The following EPC2 variants were observed in gnomAD, a reference collection of about 807,000 sequenced individuals.
EPC2 encodes enhancer of polycomb 2, also known as enhancer of polycomb homolog 2.
Under a neutral mutation model 92.1 loss-of-function variants are expected in EPC2, and 14 were observed. The ratio of observed to expected loss-of-function variants is 0.15; its 90% CI spans 0.10 to 0.24. The LOEUF (loss-of-function observed/expected upper bound fraction) is 0.24. Among genes scored for constraint, EPC2 ranks in the 10% least tolerant of loss-of-function variants. The pLI is 1.00. For synonymous variants in EPC2, 340 were observed against 334.7 expected (o/e 1.02, Z -0.17); for missense variants, 755 against 971.5 (o/e 0.78, Z 2.96).
chr2:148,644,988 C>T lies in EPC2; in HGVS notation c.-30C>T, dbSNP rs1559136079. 1.3e-6 allele frequency: 2 copies of T among 1,539,916 alleles called. No homozygotes were observed. The highest frequency in any genetic ancestry group is 2.5e-5 in the East Asian group (1 of 40,044). ...CTCCCCGCCCGCCCCGCCGCCGCCG[C>T]CCGGGCTGTTCCTGTAAGGCGGGGA... On this transcript the variant is annotated 5_prime_UTR_variant, in exon 1 of 14. Coordinates refer to ENST00000258484, the MANE Select transcript of EPC2 (RefSeq NM_015630.4).
intron 1 of EPC2, among the ~76,000 whole-genome samples, chr2:148,647,604 G>C (rs1307102099): frequency 2.0e-5 from 3 of 148,186 alleles, no homozygotes; most frequent in Non-Finnish European, 4.4e-5. Flanking sequence ...ACTGCGCCTG[G>C]CCGCGCCTTG....
intron 1 of EPC2, among the ~76,000 whole-genome samples, chr2:148,672,152 A>C (rs1681167097): frequency 6.6e-6 from 1 of 152,154 alleles, no homozygotes; most frequent in Non-Finnish European, 1.5e-5. Flanking sequence ...CTTAAAAGTA[A>C]GTCTTATAAT....
At position 148,717,667 on chromosome 2, in the gene EPC2, G is replaced by C. The variant is rs75459637; in HGVS notation, c.314-25955G>C. On this transcript the variant is annotated intron_variant, in intron 2 of 13. Coordinates refer to ENST00000258484, the MANE Select transcript of EPC2 (RefSeq NM_015630.4). ...TGAGGAGTGTTTTACTTCCAATTATGTGATCAATTTTACTCAAGTAAGTGC... is the reference window on the plus strand; with the variant it reads ...TGAGGAGTGTTTTACTTCCAATTATCTGATCAATTTTACTCAAGTAAGTGC... Among the ~76,000 whole-genome samples the C allele has an allele frequency of 7.9e-3, 1,210 of 152,222 alleles. 23 individuals are homozygous for C. The East Asian group carries it at 0.08, about 10-fold the overall frequency.
chr2:148,716,487 A>AT (rs1183883707), intron 2 of EPC2, among the ~76,000 whole-genome samples: 1 of 151,914 alleles, frequency 6.6e-6, no homozygotes, highest in Non-Finnish European at 1.5e-5. Flanking sequence ...ATAATCATGT[A>AT]TTTTTTTGTC....
At chr2:148,695,041 G>A (rs1231446918) in intron 2 of EPC2, among the ~76,000 whole-genome samples, 1 of 152,242 alleles carries the variant, frequency 6.6e-6, no homozygotes, top group African/African-American at 2.4e-5. Flanking sequence ...GCCTCCTAAA[G>A]TGTTGGGATT....
At position 148,778,869 on chromosome 2, in the gene EPC2, G is replaced by A. The variant is rs185342748; in HGVS notation, c.1721-2775G>A. On this transcript the variant is annotated intron_variant, in intron 10 of 13. Coordinates refer to ENST00000258484, the MANE Select transcript of EPC2 (RefSeq NM_015630.4). ...AACATATTGAGATTGAGGTGAGGGGGAAAAGAAAAAAATGAATGTAATTTT... is the reference window on the plus strand; with the variant it reads ...AACATATTGAGATTGAGGTGAGGGGAAAAAGAAAAAAATGAATGTAATTTT... Among the ~76,000 whole-genome samples the A allele has an allele frequency of 5.1e-4, 77 of 151,964 alleles. No individual in the cohort carries two copies. In the East Asian group the frequency reaches 0.014, roughly 28 times the overall value.
chr2:148,745,578 G>C (rs1418578634), intron 3 of EPC2, among the ~76,000 whole-genome samples: 2 of 152,086 alleles, frequency 1.3e-5, no homozygotes, highest in Non-Finnish European at 2.9e-5. Context: ...AAGCTTCTAG[G>C]CTGTGAAACA....
intron 2 of EPC2, among the ~76,000 whole-genome samples, chr2:148,697,735 C>G (rs1444662097): frequency 1.3e-5 from 2 of 152,168 alleles, no homozygotes; most frequent in Admixed American, 6.5e-5. Flanking sequence ...CACGCATACA[C>G]TAGAAGAACA....
chr2:148,709,587 T>G (rs757768812), intron 2 of EPC2, among the ~76,000 whole-genome samples: 4 of 152,204 alleles, frequency 2.6e-5, no homozygotes, highest in Non-Finnish European at 1.5e-5. Flanking sequence ...ACTACCTGAC[T>G]TCAAACTATA....
chr2:148,775,340 G>A (rs115766699), intron 10 of EPC2, among the ~76,000 whole-genome samples: 3,864 of 151,834 alleles, frequency 0.025, 57 homozygotes, highest in East Asian at 0.032. Context: ...TCATATAAAC[G>A]GGATAATCCT....
chr2:148,692,649 A>G (rs1442407915), intron 2 of EPC2: 2 of 152,170 alleles, frequency 1.3e-5, no homozygotes, highest in East Asian at 3.9e-4. Flanking sequence ...GGAAGGAGAT[A>G]ACTATTCATA....
intron 2 of EPC2, among the ~76,000 whole-genome samples, chr2:148,716,858 C>T (rs769480662): frequency 6.6e-6 from 1 of 152,132 alleles, no homozygotes; most frequent in Non-Finnish European, 1.5e-5. Flanking sequence ...AGCTGTGAAT[C>T]CGTCTGGTCC....
At chr2:148,661,857 C>T (rs1317334159) in intron 1 of EPC2, among the ~76,000 whole-genome samples, 2 of 152,022 alleles carry the variant, frequency 1.3e-5, no homozygotes, top group Non-Finnish European at 2.9e-5. Context: ...TAATACTGAA[C>T]CATACTAGCT....
At chr2:148,747,316 T>G (rs1458957229) in intron 3 of EPC2, among the ~76,000 whole-genome samples, 1 of 152,088 alleles carries the variant, frequency 6.6e-6, no homozygotes, top group African/African-American at 2.4e-5. Flanking sequence ...TACCTTTTAC[T>G]CCTGTAGAAG....
intron 11 of EPC2, among the ~76,000 whole-genome samples, chr2:148,782,017 G>C (rs1013363869): frequency 2.0e-5 from 3 of 151,926 alleles, no homozygotes; most frequent in African/African-American, 4.8e-5. Flanking sequence ...TTTTTTGAAG[G>C]GTTGTTGAGA....
At chr2:148,746,691 C>G (rs1341562186) in intron 3 of EPC2, among the ~76,000 whole-genome samples, 2 of 151,916 alleles carry the variant, frequency 1.3e-5, no homozygotes, top group Non-Finnish European at 2.9e-5. Flanking sequence ...GTTAAATTTA[C>G]TAAAGTTGAA....
chr2:148,761,661 A>G, intron 4 of EPC2, 121 bp from the exon 5 acceptor site: 1 of 625,986 alleles, frequency 1.6e-6, no homozygotes, highest in Non-Finnish European at 2.5e-6. Flanking sequence ...GTTGCTGTTC[A>G]GATTTTTTTT....
intron 1 of EPC2, among the ~76,000 whole-genome samples, chr2:148,652,258 A>G (rs1680703349): frequency 6.6e-6 from 1 of 152,234 alleles, no homozygotes; most frequent in Non-Finnish European, 1.5e-5. Context: ...ATCAAAAGTT[A>G]GGAAGTTAAA....
chr2:148,689,005 G>GA (rs1218857283), intron 1 of EPC2, among the ~76,000 whole-genome samples: 2 of 151,738 alleles, frequency 1.3e-5, no homozygotes, highest in East Asian at 1.9e-4. Flanking sequence ...TTTTAGATTA[G>GA]AAAAAAAAGT....
Sources: gnomAD v4.1 joint callset for allele counts (sites outside exome capture counted in the v4.1 genomes callset) on GRCh38, gnomAD v4.1.1 for gene constraint, MANE v1.5 for transcripts, NCBI Gene and HGNC (gene_info 2026-07-23, HGNC 2026-07-21) for gene names.